STON2: variants seen among roughly 807,000 people sequenced by gnomAD.
The protein encoded by STON2 is stonin-2.
In STON2, 29 loss-of-function variants were observed where a neutral mutation model predicts 65.7. The ratio of observed to expected loss-of-function variants is 0.44; its 90% CI spans 0.33 to 0.60. The LOEUF is 0.60. STON2 is among the 20% of genes least tolerant of loss of function. STON2 has a pLI of 0.03. For synonymous variants in STON2, 404 were observed against 414.2 expected, an observed-to-expected ratio of 0.98 and a Z score of 0.30; for missense variants, 1,054 against 1,118.1, an observed-to-expected ratio of 0.94 and a Z score of 0.82.
upstream of STON2, among the ~76,000 whole-genome samples, chr14:81,404,331 A>AG (rs1900746123): frequency 6.6e-6 from 1 of 152,248 alleles, no homozygotes; most frequent in Non-Finnish European, 1.5e-5. Flanking sequence ...TTTAAAGAGT[A>AG]TAAAAAGGTG....
intron 4 of STON2, among the ~76,000 whole-genome samples, chr14:81,335,833 A>T (rs1027858179): frequency 1.3e-5 from 2 of 152,206 alleles, no homozygotes; most frequent in African/African-American, 2.4e-5. Context: ...GTAGGAATTC[A>T]TGGAGCATAT....
intron 3 of STON2, among the ~76,000 whole-genome samples, chr14:81,385,712 CT>C (rs2140408544): frequency 6.6e-6 from 1 of 152,288 alleles, no homozygotes; most frequent in East Asian, 1.9e-4. Flanking sequence ...CATCTTTTCT[CT>C]CTCCTTTCAC....
At chr14:81,429,074 T>C (rs776213290) in intron 1 of STON2, among the ~76,000 whole-genome samples, 6 of 152,302 alleles carry the variant, frequency 3.9e-5, no homozygotes, top group Middle Eastern at 3.4e-3. Flanking sequence ...GAAAGAGAAG[T>C]GTACAATGAT....
At position 81,278,265 on chromosome 14, in the gene STON2, C is replaced by T; in HGVS notation, c.1217G>A (p.Ser406Asn). Reference sequence around the variant, plus strand: ...ATCTCTTTGGCTTTTGCCCGTGGTACTGGAAATGGAACTGTTTTGGGAGCG... The same window carrying T: ...ATCTCTTTGGCTTTTGCCCGTGGTATTGGAAATGGAACTGTTTTGGGAGCG... ...ERRSQNSSIS[S>N]TTGKSQRDSL... Residue 406 changes from serine (S) to asparagine (N), a missense_variant, in exon 6 of 8, where the codon AGT becomes AAT. By Grantham distance (46) the Ser-to-Asn change is conservative. Transcript: ENST00000614646. 9 of 1,614,074 alleles carry T rather than the reference C, an allele frequency of 5.6e-6. No individual in the cohort carries two copies. Among genetic ancestry groups the T allele is most frequent in the African/African-American group, 1.3e-5 (1 of 75,006 alleles).
At chr14:81,411,422 G>A (rs2139860292) in intron 2 of STON2, among the ~76,000 whole-genome samples, 1 of 152,320 alleles carries the variant, frequency 6.6e-6, no homozygotes, top group African/African-American at 2.4e-5. Context: ...AAAAGTAAAT[G>A]AGGGCTGGGC....
At chr14:81,341,376 G>C (rs1897601273) in intron 4 of STON2, among the ~76,000 whole-genome samples, 1 of 151,854 alleles carries the variant, frequency 6.6e-6, no homozygotes, top group Admixed American at 6.6e-5. Context: ...TCACAGATAA[G>C]GGACACATTT....
At position 81,267,816 on chromosome 14, in the gene STON2, T is replaced by G. The variant is rs1188771162; in HGVS notation, c.*598A>C. On this transcript the variant is annotated 3_prime_UTR_variant, in exon 8 of 8. Coordinates refer to ENST00000614646, the MANE Select transcript of STON2 (RefSeq NM_001394390.1). ...TGAAACCTTAGAGAGATGGAAAAAG[T>G]GTTCCAATCTAAACGATCTAGAGCC... 1.0e-6 allele frequency: 1 copy of G among 985,298 alleles called. No homozygotes were observed. The highest frequency in any genetic ancestry group is 6.1e-5 in the Admixed American group (1 of 16,266). The allele number at this position is 985,298 out of a possible 1,614,324, so 61.0% of individuals were successfully genotyped here. A position where few individuals can be genotyped will look rare whatever the true frequency, so the allele number is the denominator to read the frequency against.
At chr14:81,315,831 G>A (rs1046374400) in intron 5 of STON2, among the ~76,000 whole-genome samples, 5 of 152,232 alleles carry the variant, frequency 3.3e-5, no homozygotes, top group African/African-American at 7.2e-5. Flanking sequence ...AGGAGGATAT[G>A]AAATTATTGC....
At chr14:81,329,984 C>T (rs976273251) in intron 4 of STON2, among the ~76,000 whole-genome samples, 3 of 152,188 alleles carry the variant, frequency 2.0e-5, no homozygotes, top group Non-Finnish European at 2.9e-5. Context: ...AAGGCAGCTT[C>T]CGTCTTCCTC....
Position 81,371,292 on chromosome 14 carries a change from C to G in STON2, c.374-107G>C. The G allele has an allele frequency of 2.8e-6, 3 of 1,052,862 alleles. 1 individual carries two copies. In the South Asian group the frequency reaches 4.6e-5, roughly 16 times the overall value. 65.2% of individuals were successfully genotyped at this position (1,052,862 alleles called of 1,614,324 possible). On this transcript the variant is annotated intron_variant, in intron 3 of 7. Coordinates refer to ENST00000614646, the MANE Select transcript of STON2 (RefSeq NM_001394390.1). Reference sequence around the variant, plus strand: ...TTGCTCACATCATATGAAATCTCAACAGTCATATGAGGCAAGGAAGTCTTG... The same window carrying G: ...TTGCTCACATCATATGAAATCTCAAGAGTCATATGAGGCAAGGAAGTCTTG...
intron 5 of STON2, among the ~76,000 whole-genome samples, chr14:81,316,892 C>T (rs1272933828): frequency 2.0e-5 from 3 of 152,236 alleles, no homozygotes; most frequent in East Asian, 3.9e-4. Context: ...TTGTGGCAGG[C>T]ACCTGTAGTC....
intron 1 of STON2, among the ~76,000 whole-genome samples, chr14:81,431,410 G>T (rs773483358): frequency 8.5e-5 from 13 of 152,180 alleles, no homozygotes; most frequent in Non-Finnish European, 2.9e-5. Context: ...GGCTGAAGCA[G>T]GCGGATCACT....
intron 5 of STON2, among the ~76,000 whole-genome samples, chr14:81,307,444 T>C (rs1896224390): frequency 6.6e-6 from 1 of 152,164 alleles, no homozygotes. Flanking sequence ...AAAGGGACAA[T>C]ACAAAACAGT....
rs540025998 is a variant in STON2, at chr14:81,276,610, T to C, written c.2581+291A>G. On this transcript the variant is annotated intron_variant, in intron 6 of 7. Coordinates refer to ENST00000614646, the MANE Select transcript of STON2 (RefSeq NM_001394390.1). ...AATACGTTAATGAGTCCCCAAAGAA[T>C]ATAAATTCAGAAGCTGCCCTGAAAA... 2.6e-5 allele frequency among the ~76,000 whole-genome samples: 4 copies of C among 152,280 alleles called. No individual in the cohort carries two copies. In the East Asian group the frequency reaches 5.8e-4, roughly 22 times the overall value.
intron 5 of STON2, among the ~76,000 whole-genome samples, chr14:81,322,279 C>T (rs1896847769): frequency 6.6e-6 from 1 of 152,192 alleles, no homozygotes; most frequent in Non-Finnish European, 1.5e-5. Context: ...ATCCAATGTA[C>T]AAATGCCTAT....
intron 2 of STON2, among the ~76,000 whole-genome samples, chr14:81,405,459 TG>T (rs1467712719): frequency 7.7e-4 from 112 of 144,724 alleles, no homozygotes; most frequent in Middle Eastern, 6.9e-3. Context: ...TAGTTACTAT[TG>T]TTTTTTTTTT....
In STON2 at chr14:81,278,517, A is replaced by T. The variant is rs1249012583; in HGVS notation, c.965T>A (p.Val322Glu). The T allele has an allele frequency of 1.9e-6, 3 of 1,613,930 alleles. No homozygotes were observed. Among genetic ancestry groups the T allele is most frequent in the Non-Finnish European group, 2.5e-6 (3 of 1,179,928 alleles). Reference protein sequence around the residue: ...TPPSASVIPDVPYNSMGSFKK... With the variant: ...TPPSASVIPDEPYNSMGSFKK... ...AAATGATCCCATTGAATTATAAGGT[A>T]CATCTGGGATCACAGATGCACTTGG... The change falls in exon 6 of 8, where the codon GTA becomes GAA. Residue 322 changes from valine (V) to glutamate (E), a missense_variant. Val to Glu is a moderately radical substitution (Grantham distance 121, BLOSUM62 -2). Transcript: ENST00000614646.
chr14:81,273,442 G>C (rs1199962735), intron 6 of STON2, among the ~76,000 whole-genome samples: 1 of 152,204 alleles, frequency 6.6e-6, no homozygotes, highest in Non-Finnish European at 1.5e-5. Context: ...AATGAGAAGG[G>C]GGATTCCTGC....
At chr14:81,345,851 T>C (rs1245940074) in intron 4 of STON2, among the ~76,000 whole-genome samples, 2 of 152,180 alleles carry the variant, frequency 1.3e-5, no homozygotes, top group Non-Finnish European at 2.9e-5. Context: ...AGACTCCATA[T>C]AAGCCTGAGG....
Sources: allele counts gnomAD v4.1 joint callset (sites outside exome capture counted in the v4.1 genomes callset), GRCh38; gene constraint gnomAD v4.1.1; transcripts MANE v1.5; gene names NCBI Gene and HGNC (gene_info 2026-07-23, HGNC 2026-07-21).